The following SUMF1 variants were observed in gnomAD, a reference collection of about 807,000 sequenced individuals.
SUMF1 encodes formylglycine-generating enzyme.
SUMF1 carries 48 observed loss-of-function variants against 47.6 expected under a neutral mutation model. The ratio of observed to expected loss-of-function variants is 1.01; its 90% CI spans 0.80 to 1.28. The LOEUF (loss-of-function observed/expected upper bound fraction) is 1.28, where lower values mean the gene tolerates loss of function less well. Among genes scored for constraint, SUMF1 ranks in the 50% most tolerant of loss-of-function variants. SUMF1 has a pLI of 0.00. For synonymous variants in SUMF1, 230 were observed against 192.1 expected, an observed-to-expected ratio of 1.20 and a Z score of -1.63; for missense variants, 571 against 485.4, an observed-to-expected ratio of 1.18 and a Z score of -1.66.
chr3:4,454,767 T>C (rs1186462230), intron 1 of SUMF1, among the ~76,000 whole-genome samples: 4 of 152,188 alleles, frequency 2.6e-5, no homozygotes, highest in Non-Finnish European at 5.9e-5. Context: ...TGGTTCATGC[T>C]ACAACATGCG....
chr3:4,358,137 C>T (rs76014097), downstream of SUMF1, among the ~76,000 whole-genome samples: 1 of 152,190 alleles, frequency 6.6e-6, no homozygotes, highest in African/African-American at 2.4e-5. Context: ...CTGATTACCA[C>T]CCGTATTTCC....
chr3:4,196,916 C>T (rs1223420684), intron 8 of SUMF1, among the ~76,000 whole-genome samples: 2 of 152,062 alleles, frequency 1.3e-5, no homozygotes, highest in Non-Finnish European at 1.5e-5. Flanking sequence ...TCCTAATTGG[C>T]CACCTCAACA....
intron 8 of SUMF1, among the ~76,000 whole-genome samples, chr3:4,079,709 C>T (rs1458841637): frequency 6.9e-6 from 1 of 144,534 alleles, no homozygotes; most frequent in African/African-American, 2.6e-5. Flanking sequence ...CCTAAGTACT[C>T]AACATGCTGT....
At chr3:4,293,509 T>C (rs973359750) in intron 8 of SUMF1, among the ~76,000 whole-genome samples, 12 of 152,218 alleles carry the variant, frequency 7.9e-5, no homozygotes, top group African/African-American at 2.7e-4. Flanking sequence ...TATAAATTGG[T>C]TATTTCCTCG....
chr3:4,467,048 G>A lies in SUMF1; in HGVS notation c.198C>T (p.Ala66=), dbSNP rs1414180953. The change falls in exon 1 of 9, where the codon GCC becomes GCT. Residue 66 remains alanine (A), a synonymous_variant. Coordinates refer to ENST00000272902, the MANE Select transcript of SUMF1 (RefSeq NM_182760.4). ...QRPGAHGSSA[A]AHRYSREANA... ...TAGCCTCCCGCGAGTATCGGTGAGC[G>A]GCTGCCGAACTGCCATGGGCGCCAG... The A allele has an allele frequency of 6.4e-7, 1 of 1,571,096 alleles. No individual in the cohort carries two copies. The highest frequency in any genetic ancestry group is 1.4e-5 in the African/African-American group (1 of 73,856).
At chr3:4,338,707 A>T (rs1222549144) in intron 8 of SUMF1, among the ~76,000 whole-genome samples, 1 of 152,128 alleles carries the variant, frequency 6.6e-6, no homozygotes, top group Non-Finnish European at 1.5e-5. Context: ...TACTAGGTCT[A>T]CCTAGTACCT....
intron 9 of SUMF1, among the ~76,000 whole-genome samples, chr3:4,041,649 AT>A (rs1466735575): frequency 6.6e-6 from 1 of 152,180 alleles, no homozygotes; most frequent in Non-Finnish European, 1.5e-5. Context: ...CATTAGTAGC[AT>A]TTTTATGCGT....
At position 4,135,628 on chromosome 3, in the gene SUMF1, C is replaced by A. The variant is rs184320533; in HGVS notation, c.1015-66883G>T. Among the ~76,000 whole-genome samples the A allele has an allele frequency of 1.8e-3, 271 of 152,170 alleles. 3 individuals carry two copies. Among genetic ancestry groups the A allele is most frequent in the African/African-American group, 6.2e-3 (256 of 41,510 alleles). Reference sequence around the variant, plus strand: ...TAGTGTTGGAAGTTCTGGCCAGGGCCATCAGGCAGAAGAAGGAAATAAAGG... The same window carrying A: ...TAGTGTTGGAAGTTCTGGCCAGGGCAATCAGGCAGAAGAAGGAAATAAAGG... On this transcript the variant is annotated intron_variant and NMD_transcript_variant, in intron 8 of 12. Coordinates refer to the SUMF1 transcript ENST00000448413.
At chr3:4,385,527 G>C (rs2124902233) in intron 7 of SUMF1, among the ~76,000 whole-genome samples, 1 of 152,176 alleles carries the variant, frequency 6.6e-6, no homozygotes, top group Non-Finnish European at 1.5e-5. Flanking sequence ...AATATATGTG[G>C]CTTTTGTCAG....
At position 4,102,088 on chromosome 3, in the gene SUMF1, C is replaced by T. The variant is rs913056086; in HGVS notation, c.1015-33343G>A. ...GTAACTGCCTCCATGACTCAATTAA[C>T]TCCCATTGGGTCCATCCCACGATAT... On this transcript the variant is annotated intron_variant and NMD_transcript_variant, in intron 8 of 12. Coordinates refer to the SUMF1 transcript ENST00000448413. Among the ~76,000 whole-genome samples the T allele has an allele frequency of 3.9e-5, 6 of 152,294 alleles. No homozygotes were observed. The East Asian group carries it at 1.2e-3, about 29-fold the overall frequency.
chr3:4,391,573 C>T (rs1700864572), intron 7 of SUMF1, among the ~76,000 whole-genome samples: 1 of 151,936 alleles, frequency 6.6e-6, no homozygotes, highest in African/African-American at 2.4e-5. Context: ...GCCTTGACTT[C>T]GTGGGCCCAG....
chr3:4,271,005 A>C (rs560430464), intron 8 of SUMF1, among the ~76,000 whole-genome samples: 16 of 152,310 alleles, frequency 1.1e-4, no homozygotes, highest in African/African-American at 3.6e-4. Context: ...GAATACTTAC[A>C]TGTCTCACAA....
At chr3:4,095,147 T>C (rs1692874407) in intron 8 of SUMF1, among the ~76,000 whole-genome samples, 1 of 152,120 alleles carries the variant, frequency 6.6e-6, no homozygotes, top group South Asian at 2.1e-4. Flanking sequence ...CTTAATAATG[T>C]CTTGGCTTGT....
rs997757915 is a variant in SUMF1, at chr3:4,156,562, C to G, written c.1015-87817G>C. 5.9e-5 allele frequency among the ~76,000 whole-genome samples: 9 copies of G among 151,714 alleles called. 1 individual carries two copies. In the South Asian group the frequency reaches 1.2e-3, roughly 21 times the overall value. On this transcript the variant is annotated intron_variant and NMD_transcript_variant, in intron 8 of 12. Transcript: ENST00000448413. ...CAGAAGTAGACTCTAGAATTGACCACTTCTACCTTGTCACCAAGCTAAAAA... is the reference window on the plus strand; with the variant it reads ...CAGAAGTAGACTCTAGAATTGACCAGTTCTACCTTGTCACCAAGCTAAAAA...
chr3:4,143,092 C>G (rs1316295655), intron 8 of SUMF1, among the ~76,000 whole-genome samples: 1 of 152,060 alleles, frequency 6.6e-6, no homozygotes, highest in East Asian at 1.9e-4. Context: ...GCTATTTGTG[C>G]AAGGCTGGTA....
intron 8 of SUMF1, among the ~76,000 whole-genome samples, chr3:4,337,744 A>T (rs1445623866): frequency 6.6e-6 from 1 of 152,236 alleles, no homozygotes; most frequent in African/African-American, 2.4e-5. Flanking sequence ...ACATAATTGC[A>T]TCTCTTCAAT....
At chr3:4,299,669 G>A (rs1350707478) in intron 8 of SUMF1, among the ~76,000 whole-genome samples, 3 of 152,152 alleles carry the variant, frequency 2.0e-5, no homozygotes, top group Non-Finnish European at 4.4e-5. Flanking sequence ...AAGTAGCTGG[G>A]TGTGGTGGCA....
rs558493956 is a variant in SUMF1, at chr3:4,245,791, G to A, written c.1014+130539C>T. 7.5e-4 allele frequency among the ~76,000 whole-genome samples: 114 copies of A among 152,338 alleles called. 1 individual carries two copies. The South Asian group carries it at 0.022, about 29-fold the overall frequency. ...CTCTTCAGAGCTGTCAGGCAGGGAC[G>A]TTTAAGTCTGCAGAAGCTGTCTGCT... On this transcript the variant is annotated intron_variant and NMD_transcript_variant, in intron 8 of 12. Coordinates refer to the SUMF1 transcript ENST00000448413.
At chr3:4,044,540 C>G (rs904762627) in intron 9 of SUMF1, among the ~76,000 whole-genome samples, 2 of 152,160 alleles carry the variant, frequency 1.3e-5, no homozygotes, top group African/African-American at 4.8e-5. Flanking sequence ...ATCACAGGTA[C>G]AAATTATCCA....
Sources: gnomAD v4.1 joint callset for allele counts (sites outside exome capture counted in the v4.1 genomes callset) on GRCh38, gnomAD v4.1.1 for gene constraint, MANE v1.5 for transcripts, NCBI Gene and HGNC (gene_info 2026-07-23, HGNC 2026-07-21) for gene names.